The following CASD1 variants were observed in gnomAD, a reference collection of about 807,000 sequenced individuals.
The protein encoded by CASD1 is CAS1 domain sialic acid O acetyltransferase 1.
In CASD1, 41 loss-of-function variants were observed where a neutral mutation model predicts 100.0. The ratio of observed to expected loss-of-function variants is 0.41; its 90% CI spans 0.32 to 0.53. The LOEUF is 0.53. Ranked by LOEUF, CASD1 falls within the 20% of genes least tolerant of loss-of-function variation. CASD1 has a pLI of 0.25. For missense variants in CASD1, 774 were observed against 948.7 expected, an observed-to-expected ratio of 0.82 and a Z score of 2.42; for synonymous variants, 321 against 315.6, an observed-to-expected ratio of 1.02 and a Z score of -0.18.
At chr7:94,565,226 T>C in the CASD1 span, among the ~76,000 whole-genome samples, 1 of 152,068 alleles carries the variant, frequency 6.6e-6, no homozygotes, top group South Asian at 2.1e-4. Flanking sequence ...TATCAACCCA[T>C]TGTGAATAGC....
Position 94,509,858 on chromosome 7 carries a change from G to A in CASD1, c.-227G>A, listed in dbSNP as rs1793593071. 3.9e-6 allele frequency: 4 copies of A among 1,013,744 alleles called. No individual in the cohort carries two copies. Among genetic ancestry groups the A allele is most frequent in the Non-Finnish European group, 4.7e-6 (4 of 849,200 alleles). The allele number at this position is 1,013,744 out of a possible 1,614,324, so 62.8% of individuals were successfully genotyped here. A position where few individuals can be genotyped will look rare whatever the true frequency, so the allele number is the denominator to read the frequency against. On this transcript the variant is annotated 5_prime_UTR_variant, in exon 1 of 18. Transcript: ENST00000297273. ...GGAACCGGCACGGCGGAGCAGCGGC[G>A]GCGGGGCTGGGGGGAGGCCGCCGAG...
At chr7:94,587,762 A>G in the CASD1 span, 1 of 1,539,582 alleles carries the variant, frequency 6.5e-7, no homozygotes, top group South Asian at 1.2e-5. Context: ...CTGATGAACA[A>G]TTTCATTATA....
chr7:94,540,026 C>G lies in CASD1; in HGVS notation c.1356+970C>G, dbSNP rs150597035. Among the ~76,000 whole-genome samples the G allele has an allele frequency of 9.5e-3, 1,441 of 152,118 alleles. 82 individuals carry two copies. Among genetic ancestry groups the G allele is most frequent in the Admixed American group, 0.083 (1,270 of 15,256 alleles). On this transcript the variant is annotated intron_variant, in intron 10 of 17. Coordinates refer to ENST00000297273, the MANE Select transcript of CASD1 (RefSeq NM_022900.5). The stretch of plus-strand genomic sequence containing the variant: ...TGGAAAAAATAAGTTTTTTCCTTCT[C>G]CATGGGTGTCTTAAAAGACAGGATT...
At chr7:94,569,801 C>T in the CASD1 span, among the ~76,000 whole-genome samples, 1 of 149,458 alleles carries the variant, frequency 6.7e-6, no homozygotes, top group Non-Finnish European at 1.5e-5. Context: ...CTCCATTCTA[C>T]CAATCTCTGA....
At chr7:94,630,840 AG>A in the CASD1 span, among the ~76,000 whole-genome samples, 217 of 152,056 alleles carry the variant, frequency 1.4e-3, no homozygotes, top group Non-Finnish European at 2.6e-3. Context: ...ATGAACCACA[AG>A]GCTGCTCACT....
chr7:94,569,870 G>T, the CASD1 span, among the ~76,000 whole-genome samples: 1 of 151,084 alleles, frequency 6.6e-6, no homozygotes, highest in Non-Finnish European at 1.5e-5. Context: ...CTGGAGTGCA[G>T]TGGTGTGATC....
the CASD1 span, among the ~76,000 whole-genome samples, chr7:94,604,523 C>T: frequency 5.3e-5 from 8 of 151,344 alleles, no homozygotes; most frequent in South Asian, 4.2e-4. Context: ...TCATCTGGTA[C>T]GGGCATAGGA....
chr7:94,575,126 C>G, the CASD1 span, among the ~76,000 whole-genome samples: 1 of 152,076 alleles, frequency 6.6e-6, no homozygotes, highest in Non-Finnish European at 1.5e-5. Context: ...TGAATTCTTT[C>G]AGTTGTCATG....
At chr7:94,511,634 A>G (rs983657294) in intron 1 of CASD1, among the ~76,000 whole-genome samples, 4 of 152,220 alleles carry the variant, frequency 2.6e-5, no homozygotes, top group African/African-American at 9.6e-5. Context: ...TTTAACTACT[A>G]TTAATCATTT....
the CASD1 span, among the ~76,000 whole-genome samples, chr7:94,603,878 A>G: frequency 6.6e-6 from 1 of 152,118 alleles, no homozygotes; most frequent in African/African-American, 2.4e-5. Context: ...CATTTCACTT[A>G]ATTTTCTTGT....
At chr7:94,603,008 A>G in the CASD1 span, among the ~76,000 whole-genome samples, 1 of 152,184 alleles carries the variant, frequency 6.6e-6, no homozygotes, top group Non-Finnish European at 1.5e-5. Flanking sequence ...ATCTGTGCTC[A>G]TTAGCAGCTA....
At chr7:94,517,731 A>G (rs1052740822) in intron 2 of CASD1, 75 bp downstream of exon 2, 2 of 849,380 alleles carry the variant, frequency 2.4e-6, no homozygotes, top group African/African-American at 1.7e-5. Context: ...TTGGTGAAAC[A>G]GTACTTTTCA....
chr7:94,593,183 T>C, the CASD1 span, among the ~76,000 whole-genome samples: 1 of 152,162 alleles, frequency 6.6e-6, no homozygotes, highest in African/African-American at 2.4e-5. Flanking sequence ...ATTAGAAGAC[T>C]TAATTCTACT....
chr7:94,578,738 A>G, the CASD1 span, among the ~76,000 whole-genome samples: 1 of 152,190 alleles, frequency 6.6e-6, no homozygotes, highest in African/African-American at 2.4e-5. Context: ...ATGTTTGTGT[A>G]GAGAAAAAAT....
chr7:94,543,462 T>C (rs1046477590), intron 10 of CASD1, among the ~76,000 whole-genome samples: 1 of 152,144 alleles, frequency 6.6e-6, no homozygotes. Context: ...GAGACCAGCC[T>C]GGCCAACATG....
intron 12 of CASD1, among the ~76,000 whole-genome samples, chr7:94,546,394 G>A (rs928723820): frequency 6.6e-6 from 1 of 151,750 alleles, no homozygotes; most frequent in East Asian, 1.9e-4. Flanking sequence ...GGAAAATAAT[G>A]TTTTATTTTT....
At chr7:94,582,002 A>C in the CASD1 span, among the ~76,000 whole-genome samples, 2 of 152,198 alleles carry the variant, frequency 1.3e-5, no homozygotes, top group African/African-American at 4.8e-5. Context: ...ACAGTGTAAA[A>C]GCATTCCTAT....
chr7:94,549,670 A>G, intron 14 of CASD1, 36 bp downstream of exon 14: 1 of 1,472,732 alleles, frequency 6.8e-7, no homozygotes, highest in Non-Finnish European at 9.4e-7. Flanking sequence ...GTCATTTCAA[A>G]TTATACTGTT....
At chr7:94,608,954 A>C in the CASD1 span, among the ~76,000 whole-genome samples, 2 of 152,242 alleles carry the variant, frequency 1.3e-5, no homozygotes, top group African/African-American at 4.8e-5. Context: ...ATGCAAAACT[A>C]TGAAACTTCT....
Sources: gnomAD v4.1 joint callset for allele counts (sites outside exome capture counted in the v4.1 genomes callset) on GRCh38, gnomAD v4.1.1 for gene constraint, MANE v1.5 for transcripts, NCBI Gene and HGNC (gene_info 2026-07-23, HGNC 2026-07-21) for gene names.